The following RBFOX1 variants were observed in gnomAD, a reference collection of about 807,000 sequenced individuals.
RBFOX1 encodes the protein RNA binding fox-1 homolog 1.
A neutral mutation model predicts 57.7 loss-of-function variants in RBFOX1; 8 were observed. That is an observed-to-expected ratio of 0.14 (90% CI 0.08 to 0.25). RBFOX1 has a LOEUF of 0.25. Among genes scored for constraint, RBFOX1 ranks in the 10% least tolerant of loss-of-function variants. The pLI is 1.00. For missense variants in RBFOX1, 611 were observed against 548.5 expected, an observed-to-expected ratio of 1.11 and a Z score of -1.14; for synonymous variants, 326 against 222.4, an observed-to-expected ratio of 1.47 and a Z score of -4.15.
intron 1 of RBFOX1, among the ~76,000 whole-genome samples, chr16:6,116,766 C>G (rs533685621): frequency 4.6e-4 from 70 of 152,268 alleles, no homozygotes; most frequent in Admixed American, 7.8e-4. Flanking sequence ...GAAAACAGAA[C>G]TCCCGTGAAT....
At chr16:7,577,249 C>G (rs970335535) in intron 5 of RBFOX1, among the ~76,000 whole-genome samples, 1 of 152,166 alleles carries the variant, frequency 6.6e-6, no homozygotes, top group Non-Finnish European at 1.5e-5. Context: ...TAGGTGGCTC[C>G]TTATTGCTCT....
intron 4 of RBFOX1, among the ~76,000 whole-genome samples, chr16:7,134,614 C>G (rs928632336): frequency 8.5e-5 from 13 of 152,182 alleles, no homozygotes. Context: ...TCCCTTCACC[C>G]TGCCCACATC....
At chr16:7,507,025 G>A (rs929949006) in intron 4 of RBFOX1, among the ~76,000 whole-genome samples, 2 of 152,192 alleles carry the variant, frequency 1.3e-5, no homozygotes, top group East Asian at 3.9e-4. Context: ...GTCTCACTGT[G>A]AAGAATAATA....
At chr16:7,223,225 A>G (rs1482533258) in intron 4 of RBFOX1, among the ~76,000 whole-genome samples, 1 of 152,220 alleles carries the variant, frequency 6.6e-6, no homozygotes, top group Non-Finnish European at 1.5e-5. Context: ...CAAGTTCAAG[A>G]TCAGAAGCAT....
intron 3 of RBFOX1, among the ~76,000 whole-genome samples, chr16:5,823,358 G>A (rs913634667): frequency 6.6e-6 from 1 of 152,180 alleles, no homozygotes; most frequent in Non-Finnish European, 1.5e-5. Context: ...GGTAGCTCCT[G>A]CCTCTTGGAA....
intron 4 of RBFOX1, among the ~76,000 whole-genome samples, chr16:7,319,456 T>C (rs1290305114): frequency 6.6e-6 from 1 of 151,802 alleles, no homozygotes; most frequent in Non-Finnish European, 1.5e-5. Context: ...ACGTGGAGGG[T>C]GGTAGGTTGA....
intron 3 of RBFOX1, among the ~76,000 whole-genome samples, chr16:6,741,051 A>C (rs1439840163): frequency 6.6e-6 from 1 of 152,202 alleles, no homozygotes; most frequent in African/African-American, 2.4e-5. Flanking sequence ...AAGAGAAGAC[A>C]CTGAAATAGC....
intron 3 of RBFOX1, among the ~76,000 whole-genome samples, chr16:5,827,308 G>A (rs552057963): frequency 2.0e-5 from 3 of 148,340 alleles, no homozygotes; most frequent in Non-Finnish European, 4.4e-5. Context: ...GCTGAGGCAG[G>A]AAAATTGCTT....
intron 4 of RBFOX1, among the ~76,000 whole-genome samples, chr16:7,361,306 C>T (rs2097315222): frequency 6.6e-6 from 1 of 152,218 alleles, no homozygotes; most frequent in African/African-American, 2.4e-5. Context: ...AGTGCAGCTT[C>T]TAGGTGGCAC....
At chr16:7,048,154 C>T (rs2048691164) in intron 3 of RBFOX1, among the ~76,000 whole-genome samples, 1 of 152,124 alleles carries the variant, frequency 6.6e-6, no homozygotes, top group South Asian at 2.1e-4. Context: ...TCTGGGATTA[C>T]AGGTGTGAGC....
In RBFOX1 at chr16:7,177,660, G is replaced by T. The variant is rs547823838; in HGVS notation, c.27+125562G>T. On this transcript the variant is annotated intron_variant, in intron 4 of 15. Coordinates refer to ENST00000550418, the MANE Select transcript of RBFOX1 (RefSeq NM_018723.4). ...CATTATTAACTAGATTGAACCAGGAGGTAGGGCACTTCCACAAAATTCTAG... is the reference window on the plus strand; with the variant it reads ...CATTATTAACTAGATTGAACCAGGATGTAGGGCACTTCCACAAAATTCTAG... Among the ~76,000 whole-genome samples, 39 of 152,236 alleles carry T rather than the reference G, an allele frequency of 2.6e-4. No individual in the cohort carries two copies. In the South Asian group the frequency reaches 8.1e-3, roughly 32 times the overall value.
At chr16:7,316,713 C>T (rs971050989) in intron 4 of RBFOX1, among the ~76,000 whole-genome samples, 3 of 151,944 alleles carry the variant, frequency 2.0e-5, no homozygotes, top group African/African-American at 4.8e-5. Flanking sequence ...GAAGAAGTGA[C>T]ATCAAAGCTG....
intron 4 of RBFOX1, among the ~76,000 whole-genome samples, chr16:5,878,644 C>G (rs751446600): frequency 6.6e-6 from 1 of 152,112 alleles, no homozygotes; most frequent in Non-Finnish European, 1.5e-5. Context: ...ACTAATGTAG[C>G]TTGACTTAGG....
intron 3 of RBFOX1, among the ~76,000 whole-genome samples, chr16:5,766,727 G>C (rs754479377): frequency 6.6e-6 from 1 of 152,166 alleles, no homozygotes; most frequent in Non-Finnish European, 1.5e-5. Flanking sequence ...TTGGGGACCA[G>C]ATGTCAACAT....
chr16:7,653,900 C>T lies in RBFOX1; in HGVS notation c.843C>T (p.Asn281=), dbSNP rs755200062. 3.9e-5 allele frequency: 62 copies of T among 1,596,982 alleles called. No individual in the cohort carries two copies. The highest frequency in any genetic ancestry group is 2.2e-4 in the South Asian group (20 of 90,658). ...GAGGCCGCGGTCGCACCGTGTACAA[C>T]ACCTTCAGGGCCGCGGCGCCCCCGC... ...HLRGRGRTVY[N]TFRAAAPPPP... is the part of the protein sequence containing the mutation. Residue 281 remains asparagine, a synonymous_variant, in exon 12 of 16, where the codon AAC becomes AAT. Coordinates refer to ENST00000550418, the MANE Select transcript of RBFOX1 (RefSeq NM_018723.4).
At chr16:6,650,170 A>G (rs2154082599) in intron 2 of RBFOX1, among the ~76,000 whole-genome samples, 1 of 152,324 alleles carries the variant, frequency 6.6e-6, no homozygotes, top group Middle Eastern at 3.4e-3. Context: ...AACTGTAAGA[A>G]TATGCCTTTT....
At chr16:7,002,203 G>C (rs994127975) in intron 3 of RBFOX1, among the ~76,000 whole-genome samples, 1 of 152,184 alleles carries the variant, frequency 6.6e-6, no homozygotes, top group East Asian at 1.9e-4. Context: ...AATTAGGAAA[G>C]GGAAAAATCT....
At chr16:5,906,108 A>G (rs146975915) in intron 4 of RBFOX1, among the ~76,000 whole-genome samples, 5 of 152,054 alleles carry the variant, frequency 3.3e-5, no homozygotes, top group African/African-American at 7.2e-5. Flanking sequence ...CAAACACCTC[A>G]ACTGGTATTT....
At chr16:7,138,056 C>CT (rs1235212041) in intron 4 of RBFOX1, among the ~76,000 whole-genome samples, 4 of 152,248 alleles carry the variant, frequency 2.6e-5, no homozygotes, top group African/African-American at 9.6e-5. Context: ...TAGTCACCAT[C>CT]TTAAGAATGA....
Sources: allele counts gnomAD v4.1 joint callset (sites outside exome capture counted in the v4.1 genomes callset), GRCh38; gene constraint gnomAD v4.1.1; transcripts MANE v1.5; gene names NCBI Gene and HGNC (gene_info 2026-07-23, HGNC 2026-07-21).